Variants in SLC35A3 observed in about 807,000 individuals in gnomAD.
SLC35A3 encodes the protein solute carrier family 35 member A3, also known as UDP-N-acetylglucosamine transporter.
In SLC35A3, 26 loss-of-function variants were observed where a neutral mutation model predicts 39.0. The ratio of observed to expected loss-of-function variants is 0.67; its 90% confidence interval spans 0.49 to 0.92. SLC35A3 has a LOEUF of 0.92. Among genes scored for constraint, SLC35A3 ranks in the 40% least tolerant of loss-of-function variants. The pLI, the probability that SLC35A3 is intolerant of heterozygous loss-of-function variation, is 0.00. For synonymous variants in SLC35A3, 135 were observed against 133.1 expected (o/e 1.01, Z -0.10); for missense variants, 299 against 371.6 (o/e 0.80, Z 1.61).
chr1:99,972,332 T>A (rs1312220753), intron 1 of SLC35A3, among the ~76,000 whole-genome samples: 2 of 88,172 alleles, frequency 2.3e-5, no homozygotes, highest in Non-Finnish European at 4.3e-5. Flanking sequence ...TACTTACTAC[T>A]TTTTTTTTTT....
Position 100,031,528 on chromosome 1 carries a change from C to T in SLC35A3, c.*9052C>T, listed in dbSNP as rs1661227808. 1 of 152,118 alleles carries T rather than the reference C, an allele frequency of 6.6e-6. No individual in the cohort carries two copies. The highest frequency in any genetic ancestry group is 6.5e-5 in the Admixed American group (1 of 15,276). 9.4% of individuals were successfully genotyped at this position (152,118 alleles called of 1,614,324 possible). ...TGGGGGATTGGTTCCAGGACCCCCACCTCGTGTATACCAAAATTTGGGCAC... is the reference window on the plus strand; with the variant it reads ...TGGGGGATTGGTTCCAGGACCCCCATCTCGTGTATACCAAAATTTGGGCAC... On this transcript the variant is annotated 3_prime_UTR_variant, in exon 8 of 8. Coordinates refer to ENST00000533028, the MANE Select transcript of SLC35A3 (RefSeq NM_012243.3).
At chr1:99,977,023 A>G (rs894421722) in intron 1 of SLC35A3, among the ~76,000 whole-genome samples, 1 of 151,076 alleles carries the variant, frequency 6.6e-6, no homozygotes, top group African/African-American at 2.4e-5. Flanking sequence ...TAAATCCATA[A>G]AAACTGCTCA....
chr1:99,977,020 A>G lies in SLC35A3; in HGVS notation c.-19+6858A>G, dbSNP rs573220176. Among the ~76,000 whole-genome samples the G allele has an allele frequency of 2.4e-4, 36 of 152,288 alleles. No individual in the cohort carries two copies. The East Asian group carries it at 6.4e-3, about 27-fold the overall frequency. ...TGACAGTTTGTCAGACCATAAATCC[A>G]TAAAAACTGCTCATTCTATATTGTT... On this transcript the variant is annotated intron_variant, in intron 1 of 7. Transcript: ENST00000533028.
At chr1:100,003,857 C>G (rs181478662) in intron 3 of SLC35A3, among the ~76,000 whole-genome samples, 1 of 152,090 alleles carries the variant, frequency 6.6e-6, no homozygotes, top group African/African-American at 2.4e-5. Flanking sequence ...TGAATTGATC[C>G]CTTTATCATG....
intron 2 of SLC35A3, among the ~76,000 whole-genome samples, chr1:99,998,491 T>A (rs1280676971): frequency 2.0e-5 from 3 of 152,160 alleles, no homozygotes; most frequent in East Asian, 3.9e-4. Flanking sequence ...TTCATTTGCT[T>A]CTAGCATCCA....
intron 6 of SLC35A3, among the ~76,000 whole-genome samples, chr1:100,016,375 ATT>A (rs35656354): frequency 2.3e-4 from 19 of 81,146 alleles, no homozygotes; most frequent in African/African-American, 3.0e-4. Context: ...GGATACTTCT[ATT>A]TTTTTTTTTT....
chr1:100,031,604 TG>T lies in SLC35A3; in HGVS notation c.*9131del, dbSNP rs1006128228. ...GTATAAGAAAAGTCAGCCCTCCCTA[TG>T]GGTGGGTTTCACATCCTGCAAATAA... On this transcript the variant is annotated 3_prime_UTR_variant, in exon 8 of 8. Coordinates refer to ENST00000533028, the MANE Select transcript of SLC35A3 (RefSeq NM_012243.3). 14 of 152,114 alleles carry T rather than the reference TG, an allele frequency of 9.2e-5. No individual in the cohort carries two copies. Among genetic ancestry groups the T allele is most frequent in the African/African-American group, 3.4e-4 (14 of 41,420 alleles). The allele number at this position is 152,114 out of a possible 1,614,324, so 9.4% of individuals were successfully genotyped here.
At position 100,034,000 on chromosome 1, in the gene SLC35A3, T is replaced by G. The variant is rs1291284226; in HGVS notation, c.*11524T>G. On this transcript the variant is annotated 3_prime_UTR_variant, in exon 8 of 8. Transcript: ENST00000533028. ...AAATTTCTTCTGGAGCCTAGATACT[T>G]AAAGTACACCTTGGCCATGTAGAAA... The G allele has an allele frequency of 1.3e-5, 2 of 152,184 alleles. No individual in the cohort carries two copies. Among genetic ancestry groups the G allele is most frequent in the Non-Finnish European group, 2.9e-5 (2 of 68,028 alleles). 9.4% of individuals were successfully genotyped at this position (152,184 alleles called of 1,614,324 possible).
chr1:99,970,981 C>T (rs1378689901), intron 1 of SLC35A3, among the ~76,000 whole-genome samples: 1 of 152,114 alleles, frequency 6.6e-6, no homozygotes, highest in African/African-American at 2.4e-5. Context: ...TAGTTCTCCC[C>T]TTTTTCATTC....
chr1:99,996,453 A>T (rs916794103), intron 2 of SLC35A3, among the ~76,000 whole-genome samples: 1 of 152,224 alleles, frequency 6.6e-6, no homozygotes, highest in African/African-American at 2.4e-5. Context: ...ACATAAAAAG[A>T]TGCTCAACTT....
chr1:100,004,704 TAAA>T (rs1010915517), intron 3 of SLC35A3, among the ~76,000 whole-genome samples: 1 of 151,850 alleles, frequency 6.6e-6, no homozygotes, highest in Non-Finnish European at 1.5e-5. Flanking sequence ...TTTTTTAATT[TAAA>T]AAAAATTATT....
rs549298454 is a variant in SLC35A3, at chr1:99,982,003, C to CTTTT, written c.-18-11518_-18-11515dup. ...TTACCTACACCTACAAGGATGTATT[C>CTTTT]TTTTTTTTTTTTTTTTTTTGAGACG... On this transcript the variant is annotated intron_variant, in intron 1 of 7. Transcript: ENST00000533028. Among the ~76,000 whole-genome samples, 68 of 125,828 alleles carry CTTTT rather than the reference C, an allele frequency of 5.4e-4. No individual in the cohort carries two copies. The East Asian group carries it at 0.015, about 27-fold the overall frequency. The allele number at this position is 125,828 out of a possible 152,430, so 82.5% of individuals were successfully genotyped here. A position where few individuals can be genotyped will look rare whatever the true frequency, so the allele number is the denominator to read the frequency against.
At chr1:99,973,314 A>G (rs1013681043) in intron 1 of SLC35A3, among the ~76,000 whole-genome samples, 1 of 152,218 alleles carries the variant, frequency 6.6e-6, no homozygotes, top group South Asian at 2.1e-4. Flanking sequence ...ATGAGTATTA[A>G]TTTATTATTA....
At position 99,993,713 on chromosome 1, in the gene SLC35A3, C is replaced by T; in HGVS notation, c.159C>T (p.Ala53=). The stretch of plus-strand genomic sequence containing the variant: ...TTGCTGAACTTTTGAAGATAATGGC[C>T]TGCATTTTATTGGTCTACAAAGACA... ...VVVAELLKIM[A]CILLVYKDSK... Residue 53 remains alanine, a synonymous_variant, in exon 2 of 8, where the codon GCC becomes GCT. Transcript: ENST00000533028. The T allele has an allele frequency of 6.2e-7, 1 of 1,613,772 alleles. No homozygotes were observed.
Position 99,999,293 on chromosome 1 carries a change from C to A in SLC35A3, c.220C>A (p.His74Asn). The stretch of plus-strand genomic sequence containing the variant: ...TCTAAGAGCACTGAATCGAGTACTA[C>A]ATGATGAAATTCTTAATAAACCTAT... ...CSLRALNRVL[H>N]DEILNKPMET... The change falls in exon 3 of 8, where the codon CAT (histidine) becomes AAT (asparagine). Residue 74 changes from histidine (H) to asparagine (N), a missense_variant. His to Asn is a moderately conservative substitution (Grantham distance 68). Coordinates refer to ENST00000533028, the MANE Select transcript of SLC35A3 (RefSeq NM_012243.3). The A allele has an allele frequency of 6.3e-7, 1 of 1,586,376 alleles. No individual in the cohort carries two copies.
intron 5 of SLC35A3, among the ~76,000 whole-genome samples, chr1:100,013,674 A>G (rs1383671798): frequency 2.0e-5 from 3 of 151,638 alleles, no homozygotes; most frequent in African/African-American, 7.3e-5. Context: ...GGTATTTTAT[A>G]TATGTGTGTA....
Position 100,030,900 on chromosome 1 carries a change from T to C in SLC35A3, c.*8424T>C, listed in dbSNP as rs563834206. ...CAGGGTAATATTTCCTGAGTGATGA[T>C]AGAATTATAGAAAATCATGAAAGAT... On this transcript the variant is annotated 3_prime_UTR_variant, in exon 8 of 8. Transcript: ENST00000533028. The C allele has an allele frequency of 3.3e-5, 5 of 152,180 alleles. No individual in the cohort carries two copies. The highest frequency in any genetic ancestry group is 1.9e-4 in the East Asian group (1 of 5,192). The allele number at this position is 152,180 out of a possible 1,614,324, so 9.4% of individuals were successfully genotyped here.
rs369462345 is a variant in SLC35A3 at position 100,015,277 on chromosome 1, T to A, written c.635-25T>A. ...CTCTTCAGACAAACTAAACGATATATCATGTAGACTTTACTTTTTTTTAGG... is the reference window on the plus strand; with the variant it reads ...CTCTTCAGACAAACTAAACGATATAACATGTAGACTTTACTTTTTTTTAGG... On this transcript the variant is annotated intron_variant, in intron 5 of 7. Transcript: ENST00000533028. The A allele has an allele frequency of 6.4e-6, 10 of 1,569,520 alleles. No individual in the cohort carries two copies. The African/African-American group carries it at 1.2e-4, about 19-fold the overall frequency.
At chr1:99,970,998 C>T (rs1454911214) in intron 1 of SLC35A3, among the ~76,000 whole-genome samples, 1 of 152,150 alleles carries the variant, frequency 6.6e-6, no homozygotes, top group Admixed American at 6.5e-5. Flanking sequence ...ATTCCCACTA[C>T]CTGTCTGCTA....
Sources: gnomAD v4.1 joint callset for allele counts (sites outside exome capture counted in the v4.1 genomes callset) on GRCh38, gnomAD v4.1.1 for gene constraint, MANE v1.5 for transcripts, NCBI Gene and HGNC (gene_info 2026-07-23, HGNC 2026-07-21) for gene names.